The following PCDH15 variants were observed in gnomAD, a reference collection of about 807,000 sequenced individuals.
The protein encoded by PCDH15 is protocadherin-15.
Under a neutral mutation model 178.5 loss-of-function variants are expected in PCDH15, and 129 were observed. That is an observed-to-expected ratio of 0.72 (90% CI 0.63 to 0.84). The LOEUF (loss-of-function observed/expected upper bound fraction) is 0.84. Among genes scored for constraint, PCDH15 ranks in the 40% least tolerant of loss-of-function variants. The pLI is 0.00. For missense variants in PCDH15, 2,230 were observed against 2,099.9 expected (o/e 1.06, Z -1.21); for synonymous variants, 800 against 732.0 (o/e 1.09, Z -1.50).
chr10:53,943,485 A>AAAAC (rs200005993), intron 23 of PCDH15, among the ~76,000 whole-genome samples: 3 of 149,754 alleles, frequency 2.0e-5, no homozygotes, highest in African/African-American at 7.5e-5. Flanking sequence ...CAAAAAAACA[A>AAAAC]AAACAAACAA....
At chr10:55,066,681 T>C (rs1355073297) in intron 2 of PCDH15, among the ~76,000 whole-genome samples, 1 of 150,928 alleles carries the variant, frequency 6.6e-6, no homozygotes, top group Non-Finnish European at 1.5e-5. Flanking sequence ...ATTGGACTGT[T>C]AATTTGATAT....
chr10:54,190,947 A>G (rs2048935379), intron 11 of PCDH15, among the ~76,000 whole-genome samples: 2 of 152,230 alleles, frequency 1.3e-5, no homozygotes, highest in Admixed American at 1.3e-4. Context: ...GATTTAAGGA[A>G]TAATAGATGA....
chr10:54,265,486 T>TAAAA (rs1052778076), intron 8 of PCDH15, among the ~76,000 whole-genome samples: 1 of 144,924 alleles, frequency 6.9e-6, no homozygotes, highest in Non-Finnish European at 1.5e-5. Context: ...GAATTGGAAT[T>TAAAA]AAAAAAAAAA....
chr10:54,228,086 C>T (rs1247674866), intron 9 of PCDH15, among the ~76,000 whole-genome samples: 2 of 152,158 alleles, frequency 1.3e-5, no homozygotes, highest in African/African-American at 4.8e-5. Context: ...GTTCCAAAGT[C>T]GTTTCTGCAT....
intron 2 of PCDH15, among the ~76,000 whole-genome samples, chr10:55,111,409 G>A (rs1837497523): frequency 6.6e-6 from 1 of 151,972 alleles, no homozygotes; most frequent in South Asian, 2.1e-4. Flanking sequence ...GAGTGAATAA[G>A]GCAAGCTTAT....
intron 14 of PCDH15, among the ~76,000 whole-genome samples, chr10:54,135,855 A>C (rs1424206245): frequency 2.0e-5 from 3 of 152,216 alleles, no homozygotes; most frequent in Non-Finnish European, 2.9e-5. Context: ...CCACATAATA[A>C]GTGGGAATAA....
chr10:54,132,824 G>A, intron 15 of PCDH15, 51 bp downstream of exon 15: 1 of 1,562,680 alleles, frequency 6.4e-7, no homozygotes, highest in Non-Finnish European at 8.7e-7. Context: ...TGCCAAGCTT[G>A]TCACTTTAGA....
At chr10:54,531,626 T>A (rs2083935448) in intron 2 of PCDH15, among the ~76,000 whole-genome samples, 1 of 152,200 alleles carries the variant, frequency 6.6e-6, no homozygotes, top group Non-Finnish European at 1.5e-5. Context: ...CACTTTAGCC[T>A]ATTCTCAAAA....
chr10:54,514,472 C>G (rs1437478248), intron 3 of PCDH15, among the ~76,000 whole-genome samples: 1 of 151,260 alleles, frequency 6.6e-6, no homozygotes, highest in African/African-American at 2.4e-5. Flanking sequence ...AACTGAAAAT[C>G]TATCATGAAT....
At chr10:54,513,370 C>T (rs2081904445) in intron 3 of PCDH15, among the ~76,000 whole-genome samples, 1 of 151,876 alleles carries the variant, frequency 6.6e-6, no homozygotes, top group East Asian at 1.9e-4. Flanking sequence ...AAGTGATTCT[C>T]ATGCCTCGGC....
intron 21 of PCDH15, among the ~76,000 whole-genome samples, chr10:53,982,388 C>T (rs1047879048): frequency 1.3e-5 from 2 of 152,012 alleles, no homozygotes; most frequent in African/African-American, 2.4e-5. Flanking sequence ...TATTGCGGCA[C>T]TATTCACAAT....
Position 54,924,019 on chromosome 10 carries a change from A to G in PCDH15, c.-79-26519T>C, listed in dbSNP as rs568523166. On this transcript the variant is annotated intron_variant, in intron 2 of 5. Transcript: ENST00000458638. ...GAACTATCTGAGACTGGTCCTTTAT[A>G]TAAAAAAAGAGAGTGAAATTTAACT... Among the ~76,000 whole-genome samples, 64 of 136,520 alleles carry G rather than the reference A, an allele frequency of 4.7e-4. 10 individuals carry two copies. The South Asian group carries it at 0.015, about 31-fold the overall frequency. 89.6% of individuals were successfully genotyped at this position (136,520 alleles called of 152,430 possible). A position where few individuals can be genotyped will look rare whatever the true frequency, so the allele number is the denominator to read the frequency against.
chr10:54,774,115 G>A (rs1256036330), intron 1 of PCDH15, among the ~76,000 whole-genome samples: 5 of 138,846 alleles, frequency 3.6e-5, no homozygotes, highest in Admixed American at 8.0e-5. Context: ...TGCAAGCTCC[G>A]CCTCCTGGGT....
rs146840399 is a variant in PCDH15 at position 54,595,745 on chromosome 10, GA to G, written c.92-67869del. Among the ~76,000 whole-genome samples, 1,132 of 152,010 alleles carry G rather than the reference GA, an allele frequency of 7.4e-3. 22 individuals carry two copies. The highest frequency in any genetic ancestry group is 0.026 in the African/African-American group (1,059 of 41,466). On this transcript the variant is annotated intron_variant, in intron 2 of 37. Coordinates refer to ENST00000644397, the MANE Select transcript of PCDH15 (RefSeq NM_001384140.1). Reference sequence around the variant, plus strand: ...GGTAACAGACAAAATAGCCAGTACAGAAAAACAAACAAACAAACAAACAAAA... The same window carrying G: ...GGTAACAGACAAAATAGCCAGTACAGAAAACAAACAAACAAACAAACAAAA...
At chr10:55,162,535 A>G (rs556526587) in intron 2 of PCDH15, among the ~76,000 whole-genome samples, 4 of 152,276 alleles carry the variant, frequency 2.6e-5, no homozygotes, top group Admixed American at 1.3e-4. Context: ...TAACCTCTAA[A>G]TTGCCCTTAG....
intron 2 of PCDH15, among the ~76,000 whole-genome samples, chr10:55,104,248 C>T (rs946316328): frequency 6.6e-6 from 1 of 151,740 alleles, no homozygotes; most frequent in African/African-American, 2.4e-5. Flanking sequence ...CCCATTCATA[C>T]AAATATCTTT....
chr10:54,367,215 T>C (rs1946940416), intron 5 of PCDH15, among the ~76,000 whole-genome samples: 1 of 151,958 alleles, frequency 6.6e-6, no homozygotes, highest in Non-Finnish European at 1.5e-5. Flanking sequence ...TCAGGGAGAA[T>C]TTGAGAATGT....
intron 2 of PCDH15, among the ~76,000 whole-genome samples, chr10:54,988,846 G>A (rs1054994679): frequency 3.3e-5 from 5 of 152,118 alleles, no homozygotes; most frequent in South Asian, 2.1e-4. Context: ...AAGTAACAAG[G>A]AGCCCAAATG....
At chr10:55,026,536 A>G (rs1349801479) in intron 2 of PCDH15, among the ~76,000 whole-genome samples, 4 of 152,018 alleles carry the variant, frequency 2.6e-5, no homozygotes, top group Admixed American at 6.6e-5. Flanking sequence ...TCAACTACAA[A>G]GAGAGGAATA....
Sources: gnomAD v4.1 joint callset for allele counts (sites outside exome capture counted in the v4.1 genomes callset) on GRCh38, gnomAD v4.1.1 for gene constraint, MANE v1.5 for transcripts, NCBI Gene and HGNC (gene_info 2026-07-23, HGNC 2026-07-21) for gene names.